The following RCSD1 variants were observed in gnomAD, a reference collection of about 807,000 sequenced individuals.
The protein encoded by RCSD1 is capZ-interacting protein.
A neutral mutation model predicts 42.5 loss-of-function variants in RCSD1; 26 were observed. The observed-to-expected ratio is 0.61, with a 90% confidence interval of 0.45 to 0.85. The LOEUF is 0.85. Ranked by LOEUF, RCSD1 falls within the 40% of genes least tolerant of loss-of-function variation. The probability of loss-of-function intolerance (pLI) is 0.00; values close to 1 mark genes in which losing one functional copy is unlikely to be tolerated. For missense variants in RCSD1, 571 were observed against 528.3 expected, an observed-to-expected ratio of 1.08 and a Z score of -0.79; for synonymous variants, 220 against 212.2, an observed-to-expected ratio of 1.04 and a Z score of -0.32.
intron 1 of RCSD1, among the ~76,000 whole-genome samples, chr1:167,662,534 C>T (rs1658562743): frequency 6.6e-6 from 1 of 152,192 alleles, no homozygotes; most frequent in African/African-American, 2.4e-5. Flanking sequence ...TTTTCATCCA[C>T]TTTCCTCTAT....
intron 1 of RCSD1, among the ~76,000 whole-genome samples, chr1:167,660,746 T>C (rs1389285605): frequency 2.6e-5 from 4 of 152,168 alleles, no homozygotes; most frequent in Non-Finnish European, 5.9e-5. Flanking sequence ...AGTGCTGGGA[T>C]TTCAGGTGTG....
chr1:167,689,519 T>C (rs1659323483), intron 3 of RCSD1, among the ~76,000 whole-genome samples: 1 of 151,490 alleles, frequency 6.6e-6, no homozygotes, highest in African/African-American at 2.4e-5. Context: ...AAAAAGAATA[T>C]TCAAATATTC....
chr1:167,684,127 G>A, intron 2 of RCSD1, 126 bp downstream of exon 2: 1 of 727,484 alleles, frequency 1.4e-6, no homozygotes, highest in Non-Finnish European at 2.3e-6. Flanking sequence ...GAAGCCAGGG[G>A]CTGGAGGGGT....
intron 1 of RCSD1, among the ~76,000 whole-genome samples, chr1:167,663,339 GGCCAGCTGCACTA>G (rs879566706): frequency 2.9e-4 from 44 of 152,318 alleles, no homozygotes; most frequent in Admixed American, 2.6e-3. Context: ...ACACCCCTGA[GGCCAGCTGCACTA>G]GCCAGCTGCA....
chr1:167,693,996 A>G (rs1659437556), intron 4 of RCSD1, 103 bp from the exon 5 acceptor site: 18 of 1,047,132 alleles, frequency 1.7e-5, no homozygotes, highest in South Asian at 1.7e-4. Context: ...GCCTGGTGTT[A>G]CCTAGTCTCA....
chr1:167,634,180 C>T (rs1657772383), intron 1 of RCSD1, among the ~76,000 whole-genome samples: 2 of 152,202 alleles, frequency 1.3e-5, no homozygotes, highest in African/African-American at 4.8e-5. Context: ...GTGAAGCCCC[C>T]AGACTCTACA....
At chr1:167,664,509 T>C (rs1363557283) in intron 1 of RCSD1, 1 of 152,254 alleles carries the variant, frequency 6.6e-6, no homozygotes, top group Non-Finnish European at 1.5e-5. Context: ...AAAATATATC[T>C]ACAATAAAAT....
rs1484140221 is a variant in RCSD1, at chr1:167,702,632, A to G, written c.1219-2032A>G. On this transcript the variant is annotated intron_variant, in intron 6 of 6. Transcript: ENST00000367854. Reference sequence around the variant, plus strand: ...TGTCTCTACTAAAAATACAAAAATTAGCCAGGGGTGGTGGCGTGTGCCTGT... The same window carrying G: ...TGTCTCTACTAAAAATACAAAAATTGGCCAGGGGTGGTGGCGTGTGCCTGT... Among the ~76,000 whole-genome samples the G allele has an allele frequency of 2.6e-5, 4 of 152,236 alleles. No homozygotes were observed. The East Asian group carries it at 5.8e-4, about 22-fold the overall frequency.
At chr1:167,696,076 C>T (rs985655756) in intron 5 of RCSD1, among the ~76,000 whole-genome samples, 3 of 151,948 alleles carry the variant, frequency 2.0e-5, no homozygotes, top group South Asian at 4.2e-4. Flanking sequence ...GCCAACTTCA[C>T]GGGGGCAGGA....
intron 1 of RCSD1, among the ~76,000 whole-genome samples, chr1:167,672,490 G>C (rs1049165303): frequency 6.6e-6 from 1 of 152,288 alleles, no homozygotes; most frequent in South Asian, 2.1e-4. Context: ...CCATTTTCTT[G>C]CCTTTTTCAG....
At chr1:167,635,851 GC>G (rs1405275508) in intron 1 of RCSD1, among the ~76,000 whole-genome samples, 1 of 152,232 alleles carries the variant, frequency 6.6e-6, no homozygotes, top group Non-Finnish European at 1.5e-5. Context: ...CTTTTGGAAA[GC>G]CAACAGCTTG....
In RCSD1 at chr1:167,707,856, A is replaced by G. The variant is rs997125605; in HGVS notation, c.*3160A>G. On this transcript the variant is annotated 3_prime_UTR_variant, in exon 7 of 7. Coordinates refer to ENST00000367854, the MANE Select transcript of RCSD1 (RefSeq NM_052862.4). Reference sequence around the variant, plus strand: ...ATTACAAGTATGCACCACCATGCCCAGCTAATTTTTGTATTTTTTAGTAGA... The same window carrying G: ...ATTACAAGTATGCACCACCATGCCCGGCTAATTTTTGTATTTTTTAGTAGA... Among the ~76,000 whole-genome samples, 1 of 152,096 alleles carries G rather than the reference A, an allele frequency of 6.6e-6. No individual in the cohort carries two copies. Among genetic ancestry groups the G allele is most frequent in the Non-Finnish European group, 1.5e-5 (1 of 68,028 alleles).
chr1:167,633,457 A>G (rs1657754465), intron 1 of RCSD1, among the ~76,000 whole-genome samples: 2 of 152,228 alleles, frequency 1.3e-5, no homozygotes, highest in South Asian at 4.1e-4. Flanking sequence ...GAAGGAAGGT[A>G]GGAAAGCAGT....
chr1:167,685,879 G>A (rs1411517073), intron 3 of RCSD1, among the ~76,000 whole-genome samples: 1 of 152,156 alleles, frequency 6.6e-6, no homozygotes, highest in Non-Finnish European at 1.5e-5. Flanking sequence ...ATAAGGTGTG[G>A]AGAAGGTACC....
chr1:167,676,985 C>G (rs74390732), intron 1 of RCSD1, among the ~76,000 whole-genome samples: 12,045 of 152,254 alleles, frequency 0.079, 1,064 homozygotes, highest in African/African-American at 0.22. Context: ...TCCTGGGATT[C>G]TCCCTGGGAG....
chr1:167,675,300 G>A (rs1164456934), intron 1 of RCSD1, among the ~76,000 whole-genome samples: 1 of 151,988 alleles, frequency 6.6e-6, no homozygotes, highest in Admixed American at 6.6e-5. Flanking sequence ...ACATGGCTGG[G>A]TGGGCCTCAC....
At chr1:167,685,253 G>A (rs914266201) in intron 2 of RCSD1, among the ~76,000 whole-genome samples, 168 bp from the exon 3 acceptor site, 3 of 152,126 alleles carry the variant, frequency 2.0e-5, no homozygotes, top group Non-Finnish European at 4.4e-5. Flanking sequence ...CCAAAGACAC[G>A]CAGTTCCCTT....
intron 1 of RCSD1, among the ~76,000 whole-genome samples, chr1:167,653,579 C>T (rs1233380184): frequency 2.6e-5 from 4 of 152,224 alleles, no homozygotes; most frequent in Non-Finnish European, 5.9e-5. Flanking sequence ...TATTGCACAC[C>T]TATTACGTGT....
At chr1:167,646,172 G>A (rs1031251413) in intron 1 of RCSD1, among the ~76,000 whole-genome samples, 10 of 152,152 alleles carry the variant, frequency 6.6e-5, no homozygotes, top group Non-Finnish European at 1.5e-4. Context: ...CTCGTTGGGG[G>A]TGCGGAAGAG....
Sources: allele counts gnomAD v4.1 joint callset (sites outside exome capture counted in the v4.1 genomes callset), GRCh38; gene constraint gnomAD v4.1.1; transcripts MANE v1.5; gene names NCBI Gene and HGNC (gene_info 2026-07-23, HGNC 2026-07-21).